The following DNAJC14 variants were observed in gnomAD, a reference collection of about 807,000 sequenced individuals.
DNAJC14 encodes the protein dnaJ homolog subfamily C member 14.
A neutral mutation model predicts 68.8 loss-of-function variants in DNAJC14; 12 were observed. The ratio of observed to expected loss-of-function variants is 0.17; its 90% CI spans 0.11 to 0.28. The LOEUF (loss-of-function observed/expected upper bound fraction) is 0.28. Ranked by LOEUF, DNAJC14 falls within the 10% of genes least tolerant of loss-of-function variation. The pLI, the probability that DNAJC14 is intolerant of heterozygous loss-of-function variation, is 1.00. For missense variants in DNAJC14, 764 were observed against 875.6 expected (o/e 0.87, Z 1.61); for synonymous variants, 350 against 321.5 (o/e 1.09, Z -0.95).
Position 55,827,669 on chromosome 12 carries a change from C to A in DNAJC14, c.990G>T (p.Leu330Phe). 6.2e-7 allele frequency: 1 copy of A among 1,613,784 alleles called. No homozygotes were observed. Among genetic ancestry groups the A allele is most frequent in the Non-Finnish European group, 8.5e-7 (1 of 1,179,864 alleles). Residue 330 changes from leucine (L) to phenylalanine (F), a missense_variant, in exon 2 of 7, where the codon TTG (leucine) becomes TTT (phenylalanine). Leu to Phe is a conservative substitution (Grantham distance 22). Transcript: ENST00000678005. Reference protein sequence around the residue: ...FTRFLKLLGALLLLALALFLG... With the variant: ...FTRFLKLLGAFLLLALALFLG... ...AAAAGAGGGCCAGAGCCAGGAGCAG[C>A]AAAGCACCCAGCAGCTTAAGAAAAC...
At position 55,829,478 on chromosome 12, in the gene DNAJC14, G is replaced by A; in HGVS notation, c.-57+11C>T. Reference sequence around the variant, plus strand: ...AAAAAAAAACGAAAAAAAAAAAAAAGACGGACGTACCGAAGAACGGCGGTA... The same window carrying A: ...AAAAAAAAACGAAAAAAAAAAAAAAAACGGACGTACCGAAGAACGGCGGTA... On this transcript the variant is annotated intron_variant, in intron 1 of 6. Coordinates refer to ENST00000678005, the MANE Select transcript of DNAJC14 (RefSeq NM_032364.6). 1.0e-6 allele frequency: 1 copy of A among 975,582 alleles called. No homozygotes were observed. Among genetic ancestry groups the A allele is most frequent in the Non-Finnish European group, 1.2e-6 (1 of 823,688 alleles). The allele number at this position is 975,582 out of a possible 1,614,324, so 60.4% of individuals were successfully genotyped here. A position where few individuals can be genotyped will look rare whatever the true frequency, so the allele number is the denominator to read the frequency against.
Position 55,827,504 on chromosome 12 carries a change from C to T in DNAJC14, c.1155G>A (p.Arg385=), listed in dbSNP as rs1366571265. ...CTATTCTTACCAGCCGCTGCCATGGCCTGCTATCTCTCAGCAGAGTCAAGC... is the reference window on the plus strand; with the variant it reads ...CTATTCTTACCAGCCGCTGCCATGGTCTGCTATCTCTCAGCAGAGTCAAGC... ...QRCLTLLRDS[R]PWQRLVRIVQ... is the part of the protein sequence containing the mutation. Residue 385 remains arginine, a synonymous_variant, in exon 2 of 7, where the codon AGG becomes AGA. Coordinates refer to ENST00000678005, the MANE Select transcript of DNAJC14 (RefSeq NM_032364.6). 6.2e-7 allele frequency: 1 copy of T among 1,603,870 alleles called. No individual in the cohort carries two copies. Among genetic ancestry groups the T allele is most frequent in the African/African-American group, 1.3e-5 (1 of 74,702 alleles).
At position 55,827,607 on chromosome 12, in the gene DNAJC14, C is replaced by G; in HGVS notation, c.1052G>C (p.Gly351Ala). 1 of 1,608,320 alleles carries G rather than the reference C, an allele frequency of 6.2e-7. No homozygotes were observed. The highest frequency in any genetic ancestry group is 8.5e-7 in the Non-Finnish European group (1 of 1,176,020). ...FLQLGWRFLV[G>A]LGDRLGWRDK... Reference sequence around the variant, plus strand: ...CCTCCAGCCTAACCGGTCACCTAGTCCCACCAGAAACCGCCATCCCAACTG... The same window carrying G: ...CCTCCAGCCTAACCGGTCACCTAGTGCCACCAGAAACCGCCATCCCAACTG... Residue 351 changes from glycine to alanine, a missense_variant, in exon 2 of 7, where the codon GGA becomes GCA. This residue lies in a region of DNAJC14 where 514 missense variants were observed against 521.7 expected (regional missense o/e 0.99). Coordinates refer to ENST00000678005, the MANE Select transcript of DNAJC14 (RefSeq NM_032364.6).
At chr12:55,826,221 GACAA>G (rs1470284627) in intron 2 of DNAJC14, among the ~76,000 whole-genome samples, 1 of 150,230 alleles carries the variant, frequency 6.7e-6, no homozygotes, top group Non-Finnish European at 1.5e-5. Context: ...TATATCTCGT[GACAA>G]ACAAAATGGA....
intron 5 of DNAJC14, 30 bp from the exon 6 acceptor site, chr12:55,822,505 C>T (rs374231851): frequency 1.8e-5 from 29 of 1,613,502 alleles, no homozygotes; most frequent in Admixed American, 6.7e-5. Context: ...TTAGCCAAAA[C>T]GTCGCAGTTT....
At chr12:55,822,859 C>G in intron 4 of DNAJC14, 127 bp from the exon 5 acceptor site, 1 of 1,400,096 alleles carries the variant, frequency 7.1e-7, no homozygotes, top group Non-Finnish European at 9.7e-7. Context: ...TATTTCATAT[C>G]CCTTCAACGT....
intron 2 of DNAJC14, among the ~76,000 whole-genome samples, chr12:55,826,071 A>C (rs918323580): frequency 6.6e-6 from 1 of 152,030 alleles, no homozygotes; most frequent in African/African-American, 2.4e-5. Context: ...TTAAAAAAAA[A>C]AGAAAACCCT....
Position 55,821,933 on chromosome 12 carries a change from C to A in DNAJC14, c.*44G>T. On this transcript the variant is annotated 3_prime_UTR_variant, in exon 7 of 7. Coordinates refer to ENST00000678005, the MANE Select transcript of DNAJC14 (RefSeq NM_032364.6). The stretch of plus-strand genomic sequence containing the variant: ...AATCAAACTCCATCCTGTGCTACAG[C>A]CCTTTTGACTCCCTGACATTGATTT... 1 of 1,565,172 alleles carries A rather than the reference C, an allele frequency of 6.4e-7. No individual in the cohort carries two copies. Among genetic ancestry groups the A allele is most frequent in the Non-Finnish European group, 8.7e-7 (1 of 1,152,726 alleles).
At chr12:55,829,036 G>A (rs1880887830) in intron 1 of DNAJC14, 2 of 902,882 alleles carry the variant, frequency 2.2e-6, no homozygotes, top group Non-Finnish European at 2.7e-6. Flanking sequence ...CCGCCGGAAA[G>A]GGGGCCACAG....
rs762274484 is a variant in DNAJC14 at position 55,822,126 on chromosome 12, G to A, written c.1960C>T (p.Pro654Ser). ...TTCCCATTGGGCATCTGCCCTGGGG[G>A]TACTTGAAAGATCCGACTCAAGAAA... is the stretch of plus-strand genomic sequence containing the variant. ...QDFLSRIFQVPPGQMPNGNFF... is the reference protein window; with the variant it reads ...QDFLSRIFQVSPGQMPNGNFF... Residue 654 changes from proline to serine, a missense_variant, in exon 7 of 7, where the codon CCC becomes TCC. Coordinates refer to ENST00000678005, the MANE Select transcript of DNAJC14 (RefSeq NM_032364.6). 5.0e-6 allele frequency: 8 copies of A among 1,608,598 alleles called. No individual in the cohort carries two copies. Among genetic ancestry groups the A allele is most frequent in the African/African-American group, 1.3e-5 (1 of 74,676 alleles).
intron 2 of DNAJC14, among the ~76,000 whole-genome samples, chr12:55,824,198 C>G (rs1880737815): frequency 1.3e-5 from 2 of 152,048 alleles, no homozygotes; most frequent in South Asian, 4.1e-4. Context: ...TCCTCAATCC[C>G]AGATGAACAG....
chr12:55,827,387 A>G lies in DNAJC14; in HGVS notation c.1272T>C (p.Pro424=). The change falls in exon 2 of 7, where the codon CCT becomes CCC. Residue 424 remains proline (P), a synonymous_variant. Coordinates refer to ENST00000678005, the MANE Select transcript of DNAJC14 (RefSeq NM_032364.6). ...APVASGRYCQ[P]EEEVARLLTM... The stretch of plus-strand genomic sequence containing the variant: ...TCAAGAGTCGAGCCACTTCCTCTTC[A>G]GGCTGGCAGTAGCGCCCACTAGCTA... 1 of 1,613,718 alleles carries G rather than the reference A, an allele frequency of 6.2e-7. No homozygotes were observed.
rs148318131 is a variant in DNAJC14 at position 55,821,262 on chromosome 12, T to C, written c.*715A>G. 1.8e-4 allele frequency: 28 copies of C among 152,588 alleles called. No individual in the cohort carries two copies. In the East Asian group the frequency reaches 5.4e-3, roughly 30 times the overall value. 9.5% of individuals were successfully genotyped at this position (152,588 alleles called of 1,614,324 possible). The stretch of plus-strand genomic sequence containing the variant: ...AATTCAGTTTCCAGTCTCTGAACTC[T>C]ATGCGATAATCTCCTATCATTAGGG... On this transcript the variant is annotated 3_prime_UTR_variant, in exon 7 of 7. Transcript: ENST00000678005.
upstream of DNAJC14, chr12:55,829,693 G>A (rs1056785705): frequency 6.1e-5 from 51 of 836,394 alleles, no homozygotes; most frequent in Non-Finnish European, 7.2e-5. Context: ...TTGGCTGAGA[G>A]GCAAGCCAAT....
rs1565690083 is a variant in DNAJC14 at position 55,827,431 on chromosome 12, T to C, written c.1228A>G (p.Arg410Gly). ...ELPWVKQNIN[R>G]QGNAPVASGR... is the part of the protein sequence containing the mutation. ...CTAGCTACAGGTGCATTCCCCTGCC[T>C]ATTAATATTCTGCTTGACCCAAGGC... Residue 410 changes from arginine to glycine, a missense_variant, in exon 2 of 7, where the codon AGG becomes GGG. Physicochemically the swap from Arg to Gly is moderately radical, Grantham distance 125. Coordinates refer to ENST00000678005, the MANE Select transcript of DNAJC14 (RefSeq NM_032364.6). The C allele has an allele frequency of 6.2e-7, 1 of 1,610,472 alleles. No homozygotes were observed. Among genetic ancestry groups the C allele is most frequent in the Non-Finnish European group, 8.5e-7 (1 of 1,177,886 alleles).
Position 55,822,080 on chromosome 12 carries a change from G to C in DNAJC14, c.2006C>G (p.Pro669Arg), listed in dbSNP as rs777442677. The C allele has an allele frequency of 2.2e-5, 35 of 1,614,032 alleles. No individual in the cohort carries two copies. Among genetic ancestry groups the C allele is most frequent in the Non-Finnish European group, 2.9e-5 (34 of 1,180,020 alleles). The stretch of plus-strand genomic sequence containing the variant: ...AGAGGCTGCAGCGGCTCCAGGGGCA[G>C]GCTGAGGAGCTGCAAAGAAGTTCCC... ...PNGNFFAAPQPAPGAAAASKP... is the reference protein window; with the variant it reads ...PNGNFFAAPQRAPGAAAASKP... The change falls in exon 7 of 7, where the codon CCT (proline) becomes CGT (arginine). Residue 669 changes from proline to arginine, a missense_variant. Physicochemically the swap from Pro to Arg is moderately radical, Grantham distance 103 (BLOSUM62 -2). Coordinates refer to ENST00000678005, the MANE Select transcript of DNAJC14 (RefSeq NM_032364.6).
In DNAJC14 at chr12:55,821,636, T is replaced by C; in HGVS notation, c.*341A>G. ...GCCAAGACGGGTGGATCACCTGAGC[T>C]CAGGAGTTCGAGACCAGCCTGGGCA... On this transcript the variant is annotated 3_prime_UTR_variant, in exon 7 of 7. Transcript: ENST00000678005. The C allele has an allele frequency of 6.2e-6, 1 of 162,008 alleles. No homozygotes were observed. The highest frequency in any genetic ancestry group is 1.3e-5 in the Non-Finnish European group (1 of 74,552). 10.0% of individuals were successfully genotyped at this position (162,008 alleles called of 1,614,324 possible). A position where few individuals can be genotyped will look rare whatever the true frequency, so the allele number is the denominator to read the frequency against.
intron 2 of DNAJC14, 130 bp downstream of exon 2, chr12:55,827,122 C>T: frequency 4.3e-6 from 4 of 931,546 alleles, no homozygotes; most frequent in Non-Finnish European, 5.8e-6. Flanking sequence ...ACCCAGGAGG[C>T]GGAGGTTGTA....
Position 55,822,369 on chromosome 12 carries a change from C to T in DNAJC14, c.1898+4G>A. 6.2e-7 allele frequency: 1 copy of T among 1,611,180 alleles called. No homozygotes were observed. The highest frequency in any genetic ancestry group is 1.1e-5 in the South Asian group (1 of 90,684). On this transcript the variant is annotated splice_donor_region_variant and intron_variant, in intron 6 of 6. Transcript: ENST00000678005. Reference sequence around the variant, plus strand: ...GATAGATTATTGACAGAAATACCACCTACCTCTGCCGCCCTCTGGTGCCTG... The same window carrying T: ...GATAGATTATTGACAGAAATACCACTTACCTCTGCCGCCCTCTGGTGCCTG...
Sources: allele counts gnomAD v4.1 joint callset (sites outside exome capture counted in the v4.1 genomes callset), GRCh38; gene constraint gnomAD v4.1.1; regional missense constraint gnomAD v4.1.1; transcripts MANE v1.5; gene names NCBI Gene and HGNC (gene_info 2026-07-23, HGNC 2026-07-21).